The following PPFIA2 variants were observed in gnomAD, a reference collection of about 807,000 sequenced individuals.
PPFIA2 encodes the protein liprin-alpha-2.
In PPFIA2, 46 loss-of-function variants were observed where a neutral mutation model predicts 175.5. That is an observed-to-expected ratio of 0.26 (90% CI 0.21 to 0.34). The LOEUF is 0.34. Among genes scored for constraint, PPFIA2 ranks in the 10% least tolerant of loss-of-function variants. The probability of loss-of-function intolerance (pLI) is 1.00; values close to 1 mark genes in which losing one functional copy is unlikely to be tolerated. For synonymous variants in PPFIA2, 568 were observed against 511.4 expected, an observed-to-expected ratio of 1.11 and a Z score of -1.49; for missense variants, 1,179 against 1,506.1, an observed-to-expected ratio of 0.78 and a Z score of 3.60.
chr12:81,576,374 C>T (rs1288968390), intron 4 of PPFIA2, among the ~76,000 whole-genome samples: 3 of 151,836 alleles, frequency 2.0e-5, no homozygotes, highest in South Asian at 4.1e-4. Flanking sequence ...CTTGAACTTC[C>T]TGTATCCAGC....
chr12:81,599,287 GGAT>G (rs1353113891), intron 4 of PPFIA2, among the ~76,000 whole-genome samples: 1 of 151,858 alleles, frequency 6.6e-6, no homozygotes, highest in Non-Finnish European at 1.5e-5. Flanking sequence ...AGGCTGTAAA[GGAT>G]GATGATTTAC....
intron 4 of PPFIA2, among the ~76,000 whole-genome samples, chr12:81,547,563 C>T (rs946756191): frequency 5.9e-5 from 9 of 151,922 alleles, no homozygotes; most frequent in Non-Finnish European, 1.2e-4. Flanking sequence ...TTCGTGGAGA[C>T]GGGGTTTCTC....
intron 4 of PPFIA2, among the ~76,000 whole-genome samples, chr12:81,600,373 T>C (rs941086098): frequency 6.6e-6 from 1 of 151,992 alleles, no homozygotes; most frequent in African/African-American, 2.4e-5. Flanking sequence ...CCTGTGTCCC[T>C]TGACATGCTC....
chr12:81,543,242 G>A (rs1171924481), intron 4 of PPFIA2, among the ~76,000 whole-genome samples: 2 of 152,032 alleles, frequency 1.3e-5, no homozygotes, highest in Admixed American at 1.3e-4. Flanking sequence ...TACAAGACAA[G>A]CCTGGAACAT....
At chr12:81,498,096 T>C (rs919131573) in intron 4 of PPFIA2, among the ~76,000 whole-genome samples, 9 of 152,214 alleles carry the variant, frequency 5.9e-5, no homozygotes, top group Non-Finnish European at 1.3e-4. Context: ...AAGCAAGCTG[T>C]AGTCTGTCAC....
chr12:81,606,860 T>C (rs2153462294), intron 4 of PPFIA2, among the ~76,000 whole-genome samples: 2 of 152,236 alleles, frequency 1.3e-5, no homozygotes, highest in South Asian at 2.1e-4. Flanking sequence ...TAGTTGCTTT[T>C]GGGGACTTGG....
At chr12:81,654,717 G>A (rs2067517133) in intron 4 of PPFIA2, among the ~76,000 whole-genome samples, 1 of 152,178 alleles carries the variant, frequency 6.6e-6, no homozygotes, top group South Asian at 2.1e-4. Flanking sequence ...CTAAGCAGAG[G>A]ATTCATCTAA....
At chr12:81,677,602 T>A (rs1472531708) in intron 3 of PPFIA2, among the ~76,000 whole-genome samples, 1 of 151,956 alleles carries the variant, frequency 6.6e-6, no homozygotes, top group Non-Finnish European at 1.5e-5. Context: ...AGGTGACATT[T>A]ATCTTTTTGT....
In PPFIA2 at chr12:81,490,070, T is replaced by C. The variant is rs1019155974; in HGVS notation, c.304-32204A>G. On this transcript the variant is annotated intron_variant, in intron 4 of 32. Coordinates refer to ENST00000549396, the MANE Select transcript of PPFIA2 (RefSeq NM_003625.5). ...ATAAGACCTAGCATTCCTCCTCTTA[T>C]TAAGAATAAACACCTTAGCAGTATT... Among the ~76,000 whole-genome samples, 3 of 152,056 alleles carry C rather than the reference T, an allele frequency of 2.0e-5. No individual in the cohort carries two copies. The East Asian group carries it at 5.8e-4, about 29-fold the overall frequency.
intron 4 of PPFIA2, among the ~76,000 whole-genome samples, chr12:81,502,770 C>A (rs1361025501): frequency 6.6e-6 from 1 of 152,128 alleles, no homozygotes; most frequent in Non-Finnish European, 1.5e-5. Flanking sequence ...TTAATCTCAA[C>A]AACACACTAT....
chr12:81,722,663 T>C (rs1285067350), intron 3 of PPFIA2, among the ~76,000 whole-genome samples: 5 of 150,946 alleles, frequency 3.3e-5, no homozygotes, highest in Non-Finnish European at 1.5e-5. Flanking sequence ...TTTCCTCCCT[T>C]TGCCTTCTGG....
intron 17 of PPFIA2, among the ~76,000 whole-genome samples, chr12:81,351,137 A>C (rs1418126796): frequency 7.5e-4 from 114 of 152,166 alleles, no homozygotes; most frequent in Non-Finnish European, 7.3e-5. Context: ...TTGAAATGTT[A>C]ATTTGTCCAA....
intron 8 of PPFIA2, among the ~76,000 whole-genome samples, chr12:81,388,712 T>G (rs1238586541): frequency 1.3e-5 from 2 of 152,182 alleles, no homozygotes; most frequent in East Asian, 3.9e-4. Context: ...TGAAAAATGT[T>G]TCATAGAATT....
chr12:81,492,247 C>T (rs2059502221), intron 4 of PPFIA2, among the ~76,000 whole-genome samples: 1 of 151,670 alleles, frequency 6.6e-6, no homozygotes, highest in South Asian at 2.1e-4. Context: ...AAGTTTATCA[C>T]ATTCCTTCAT....
intron 4 of PPFIA2, among the ~76,000 whole-genome samples, chr12:81,551,237 T>A (rs2067867828): frequency 6.6e-6 from 1 of 151,882 alleles, no homozygotes; most frequent in Admixed American, 6.6e-5. Context: ...AAAAGATGAA[T>A]GGCAAATGAA....
intron 22 of PPFIA2, among the ~76,000 whole-genome samples, chr12:81,311,749 A>AAAAG (rs1256034829): frequency 4.2e-4 from 60 of 143,098 alleles, no homozygotes; most frequent in South Asian, 1.1e-3. Context: ...AAAAAAAAAA[A>AAAAG]AAAGAAAGAA....
intron 3 of PPFIA2, among the ~76,000 whole-genome samples, chr12:81,714,762 G>A (rs1397829311): frequency 6.6e-6 from 1 of 151,136 alleles, no homozygotes; most frequent in East Asian, 2.0e-4. Flanking sequence ...TAAAACATAT[G>A]TGGTTGATTT....
intron 23 of PPFIA2, among the ~76,000 whole-genome samples, chr12:81,297,285 A>G (rs566926654): frequency 6.6e-6 from 1 of 152,352 alleles, no homozygotes; most frequent in African/African-American, 2.4e-5. Context: ...TGACCCATAG[A>G]AGTCATGAGA....
At chr12:81,682,163 A>T (rs2073756574) in intron 3 of PPFIA2, among the ~76,000 whole-genome samples, 2 of 152,124 alleles carry the variant, frequency 1.3e-5, no homozygotes, top group East Asian at 3.9e-4. Context: ...TAAGGTCTTT[A>T]ATGAGGTGAT....
Sources: gnomAD v4.1 joint callset for allele counts (sites outside exome capture counted in the v4.1 genomes callset) on GRCh38, gnomAD v4.1.1 for gene constraint, MANE v1.5 for transcripts, NCBI Gene and HGNC (gene_info 2026-07-23, HGNC 2026-07-21) for gene names.